The following CELF2 variants were observed in gnomAD, a reference collection of about 807,000 sequenced individuals.
The protein encoded by CELF2 is CUG triplet repeat RNA-binding protein 2.
In CELF2, 8 loss-of-function variants were observed where a neutral mutation model predicts 62.6. That is an observed-to-expected ratio of 0.13 (90% CI 0.07 to 0.23). CELF2 has a LOEUF of 0.23. Among genes scored for constraint, CELF2 ranks in the 10% least tolerant of loss-of-function variants. The pLI, the probability that CELF2 is intolerant of heterozygous loss-of-function variation, is 1.00. For missense variants in CELF2, 333 were observed against 671.0 expected (o/e 0.50, Z 5.56); for synonymous variants, 258 against 250.0 (o/e 1.03, Z -0.30).
the CELF2 span, among the ~76,000 whole-genome samples, chr10:10,463,973 A>T: frequency 6.6e-6 from 1 of 150,992 alleles, no homozygotes; most frequent in African/African-American, 2.4e-5. Context: ...AAAAAAAAAA[A>T]CTCCTATGGA....
At chr10:10,619,631 C>T in the CELF2 span, among the ~76,000 whole-genome samples, 1 of 152,194 alleles carries the variant, frequency 6.6e-6, no homozygotes, top group Admixed American at 6.5e-5. Flanking sequence ...CCCTGGAAGG[C>T]GTAGCATTTA....
the CELF2 span, chr10:10,788,905 G>C: frequency 1.8e-4 from 27 of 152,248 alleles, no homozygotes; most frequent in African/African-American, 6.0e-4. Flanking sequence ...CCCTATCTTC[G>C]GAGAGCTCCT....
chr10:10,677,588 A>G, the CELF2 span, among the ~76,000 whole-genome samples: 3 of 152,344 alleles, frequency 2.0e-5, no homozygotes, highest in African/African-American at 4.8e-5. Flanking sequence ...ATTCCACTGA[A>G]TGATTGTCAA....
intron 1 of CELF2, among the ~76,000 whole-genome samples, chr10:10,822,140 G>A (rs1230695206): frequency 1.3e-5 from 2 of 152,194 alleles, no homozygotes; most frequent in African/African-American, 4.8e-5. Context: ...TTGTTCTAGA[G>A]CCTGTGTTTC....
intron 1 of CELF2, among the ~76,000 whole-genome samples, chr10:10,912,273 G>A (rs1053902467): frequency 6.6e-6 from 1 of 152,086 alleles, no homozygotes; most frequent in Non-Finnish European, 1.5e-5. Context: ...TTTCTACCCC[G>A]CTACCTTGCT....
chr10:10,952,363 A>AAT (rs1490980593), intron 2 of CELF2: 3 of 152,228 alleles, frequency 2.0e-5, no homozygotes, highest in Non-Finnish European at 4.4e-5. Flanking sequence ...TATTGGACCA[A>AAT]ACCCCAAAGA....
rs2072118562 is a variant in CELF2 at position 11,237,843 on chromosome 10, T to C, written c.355-11310T>C. ...ATTTGTTGTTAAACCACAACTCGTT[T>C]CTCTTAAAATATGAGAGAATACTGT... On this transcript the variant is annotated intron_variant, in intron 3 of 12. Transcript: ENST00000633077. The surrounding 1 kb of genome is among the most constrained non-coding windows in gnomAD (Gnocchi z 4.0). Among the ~76,000 whole-genome samples, 1 of 152,220 alleles carries C rather than the reference T, an allele frequency of 6.6e-6. No homozygotes were observed. Among genetic ancestry groups the C allele is most frequent in the South Asian group, 2.1e-4 (1 of 4,830 alleles).
chr10:11,047,013 T>C (rs557684498), intron 1 of CELF2, among the ~76,000 whole-genome samples: 1 of 152,226 alleles, frequency 6.6e-6, no homozygotes, highest in South Asian at 2.1e-4. Flanking sequence ...CGCTGGAGTA[T>C]TTCTTCACCA....
intron 9 of CELF2, among the ~76,000 whole-genome samples, chr10:11,310,548 A>C (rs2094508854): frequency 6.6e-6 from 1 of 152,144 alleles, no homozygotes; most frequent in Non-Finnish European, 1.5e-5. Flanking sequence ...TTTCACTGGA[A>C]GGAGGGCCCA....
At chr10:11,262,939 A>ATTTTTTTTT (rs1491054484) in intron 5 of CELF2, among the ~76,000 whole-genome samples, 2 of 10,440 alleles carry the variant, frequency 1.9e-4, no homozygotes, top group Non-Finnish European at 2.8e-4. Flanking sequence ...AAGTGGCTTT[A>ATTTTTTTTT]CTTTTTTTTT....
rs1261166522 is a variant in CELF2, at chr10:11,117,647, A to G, written c.75-47839A>G. Among the ~76,000 whole-genome samples the G allele has an allele frequency of 6.6e-6, 1 of 152,230 alleles. No individual in the cohort carries two copies. The highest frequency in any genetic ancestry group is 2.4e-5 in the African/African-American group (1 of 41,454). On this transcript the variant is annotated intron_variant, in intron 1 of 12. Coordinates refer to ENST00000633077, the MANE Select transcript of CELF2 (RefSeq NM_001326342.2). This position sits in a 1 kb window ranked among gnomAD's most constrained non-coding sequence, Gnocchi z 4.1. ...TGACATGAATATGATCCTTGCTGAC[A>G]TTAAAATGGAGCAGTGGTCTCCATT...
chr10:10,923,615 T>A (rs2065129872), intron 2 of CELF2, among the ~76,000 whole-genome samples: 1 of 152,230 alleles, frequency 6.6e-6, no homozygotes, highest in South Asian at 2.1e-4. Context: ...TTTTGAATTC[T>A]TGCCATTGCT....
At chr10:10,782,321 C>A in the CELF2 span, among the ~76,000 whole-genome samples, 1 of 152,132 alleles carries the variant, frequency 6.6e-6, no homozygotes, top group Non-Finnish European at 1.5e-5. Flanking sequence ...GAGAGCTGTT[C>A]GTATAAATCG....
chr10:10,558,169 G>A, the CELF2 span, among the ~76,000 whole-genome samples: 1 of 152,142 alleles, frequency 6.6e-6, no homozygotes, highest in African/African-American at 2.4e-5. Flanking sequence ...TTGGCTGTGG[G>A]TTTGTCATAG....
chr10:10,908,214 A>ATTTTTTTTTTTTTTTTTTT (rs796857171), intron 1 of CELF2, among the ~76,000 whole-genome samples: 3 of 83,738 alleles, frequency 3.6e-5, no homozygotes, highest in African/African-American at 4.8e-5. Flanking sequence ...GTATGAGGGG[A>ATTTTTTTTTTTTTTTTTTT]TTTTTTTTTT....
chr10:10,903,255 T>C (rs1018908463), intron 1 of CELF2, among the ~76,000 whole-genome samples: 1 of 152,210 alleles, frequency 6.6e-6, no homozygotes, highest in African/African-American at 2.4e-5. Context: ...ATGAGGGTTC[T>C]ACCAGTCCAC....
At chr10:10,496,252 C>T in the CELF2 span, among the ~76,000 whole-genome samples, 3 of 152,186 alleles carry the variant, frequency 2.0e-5, no homozygotes, top group Admixed American at 6.5e-5. Flanking sequence ...TTACTTCATT[C>T]GGTAATTACT....
intron 1 of CELF2, among the ~76,000 whole-genome samples, chr10:11,083,085 G>A (rs1400163136): frequency 6.6e-6 from 1 of 152,178 alleles, no homozygotes; most frequent in Non-Finnish European, 1.5e-5. Flanking sequence ...CCCATCCCAG[G>A]ACACAGTGCA....
intron 1 of CELF2, among the ~76,000 whole-genome samples, chr10:10,911,556 G>A (rs2063811967): frequency 6.6e-6 from 1 of 152,206 alleles, no homozygotes; most frequent in African/African-American, 2.4e-5. Context: ...TCCAAGCACC[G>A]CGCAGTGCAT....
Sources: gnomAD v4.1 joint callset for allele counts (sites outside exome capture counted in the v4.1 genomes callset) on GRCh38, gnomAD v4.1.1 for gene constraint, Gnocchi (gnomAD v3.1) non-coding constraint, MANE v1.5 for transcripts, NCBI Gene and HGNC (gene_info 2026-07-23, HGNC 2026-07-21) for gene names.